The following MARCHF8 variants were observed in gnomAD, a reference collection of about 807,000 sequenced individuals.
MARCHF8 encodes E3 ubiquitin-protein ligase MARCHF8.
In MARCHF8, 40 loss-of-function variants were observed where a neutral mutation model predicts 51.6. That is an observed-to-expected ratio of 0.77 (90% confidence interval 0.60 to 1.01). The LOEUF (loss-of-function observed/expected upper bound fraction) is 1.01. Ranked by LOEUF, MARCHF8 falls within the 50% of genes least tolerant of loss-of-function variation. The pLI is 0.00. For synonymous variants in MARCHF8, 263 were observed against 280.3 expected, an observed-to-expected ratio of 0.94 and a Z score of 0.62; for missense variants, 685 against 708.6, an observed-to-expected ratio of 0.97 and a Z score of 0.38.
Position 45,461,274 on chromosome 10 carries a change from T to G in MARCHF8, c.1226A>C (p.Lys409Thr), listed in dbSNP as rs1250453372. 6.3e-7 allele frequency: 1 copy of G among 1,592,086 alleles called. No individual in the cohort carries two copies. Among genetic ancestry groups the G allele is most frequent in the Non-Finnish European group, 8.5e-7 (1 of 1,170,054 alleles). Residue 409 changes from lysine (K) to threonine (T), a missense_variant, in exon 6 of 8, where the codon AAG (lysine) becomes ACG (threonine). Coordinates refer to ENST00000453424, the MANE Select transcript of MARCHF8 (RefSeq NM_001282866.2). ...SSDTRCCELC[K>T]YEFIMETKLK... is the part of the protein sequence containing the mutation. ...CTTGGTCTCCATGATGAACTCATAC[T>G]TGCAGAGCTCGCAGCAGCGCGTGTC...
chr10:45,511,022 T>C (rs2043490036), intron 2 of MARCHF8, among the ~76,000 whole-genome samples: 1 of 152,228 alleles, frequency 6.6e-6, no homozygotes, highest in African/African-American at 2.4e-5. Context: ...CAAGCCTTTC[T>C]AATATAGACT....
chr10:45,512,967 G>T (rs1381894950), intron 2 of MARCHF8, among the ~76,000 whole-genome samples: 2 of 151,564 alleles, frequency 1.3e-5, no homozygotes, highest in African/African-American at 2.4e-5. Context: ...TGTCCACTCA[G>T]GGTTAAATGG....
At chr10:45,499,486 G>A (rs1362210838) in intron 2 of MARCHF8, among the ~76,000 whole-genome samples, 1 of 151,986 alleles carries the variant, frequency 6.6e-6, no homozygotes, top group Non-Finnish European at 1.5e-5. Flanking sequence ...TGCTTTTGGT[G>A]TCATATCCAA....
At chr10:45,477,350 A>T (rs2042805281) in intron 3 of MARCHF8, among the ~76,000 whole-genome samples, 1 of 152,232 alleles carries the variant, frequency 6.6e-6, no homozygotes, top group South Asian at 2.1e-4. Context: ...AATCCTACAC[A>T]TGGAAGCACA....
At chr10:45,478,733 T>C (rs541179675) in intron 3 of MARCHF8, among the ~76,000 whole-genome samples, 2 of 152,240 alleles carry the variant, frequency 1.3e-5, no homozygotes, top group South Asian at 4.1e-4. Flanking sequence ...CATCAGAGAC[T>C]ATTACGAACT....
intron 2 of MARCHF8, among the ~76,000 whole-genome samples, chr10:45,514,042 A>AT (rs372202419): frequency 9.8e-4 from 150 of 152,318 alleles, no homozygotes; most frequent in African/African-American, 2.9e-3. Context: ...AATAAAAAAG[A>AT]TTTTTTTACA....
chr10:45,568,717 A>C (rs1280704247), intron 1 of MARCHF8, among the ~76,000 whole-genome samples: 3 of 29,172 alleles, frequency 1.0e-4, no homozygotes, highest in Non-Finnish European at 2.5e-4. Flanking sequence ...GACTGTTTCA[A>C]AAAAAAAAAA....
intron 2 of MARCHF8, among the ~76,000 whole-genome samples, chr10:45,518,321 G>A (rs2043652541): frequency 6.6e-6 from 1 of 152,208 alleles, no homozygotes; most frequent in Non-Finnish European, 1.5e-5. Context: ...GTACAGAAAA[G>A]AGAGCTCCGA....
At chr10:45,508,560 T>C (rs2043432399) in intron 2 of MARCHF8, among the ~76,000 whole-genome samples, 1 of 152,210 alleles carries the variant, frequency 6.6e-6, no homozygotes, top group Admixed American at 6.5e-5. Flanking sequence ...GAATGCAGCA[T>C]CTTCTGGGCC....
At chr10:45,500,120 G>A (rs914543796) in intron 2 of MARCHF8, among the ~76,000 whole-genome samples, 1 of 152,062 alleles carries the variant, frequency 6.6e-6, no homozygotes, top group African/African-American at 2.4e-5. Flanking sequence ...TCAATATATA[G>A]TAGTTTTCTG....
chr10:45,579,414 T>C (rs2044527753), intron 1 of MARCHF8, among the ~76,000 whole-genome samples: 2 of 140,888 alleles, frequency 1.4e-5, no homozygotes, highest in South Asian at 2.1e-4. Flanking sequence ...ACCTTTCATA[T>C]ATAAACAAGC....
At chr10:45,522,352 C>A (rs1369430657) in intron 2 of MARCHF8, among the ~76,000 whole-genome samples, 1 of 152,126 alleles carries the variant, frequency 6.6e-6, no homozygotes. Context: ...GTAACCATTT[C>A]ATCTCCACCA....
chr10:45,533,909 T>A (rs1031524062), intron 1 of MARCHF8, among the ~76,000 whole-genome samples: 1 of 152,164 alleles, frequency 6.6e-6, no homozygotes, highest in South Asian at 2.1e-4. Context: ...ATGGGCCGGG[T>A]GCGGTGGCTC....
In MARCHF8 at chr10:45,457,268, T is replaced by C. The variant is rs975985915; in HGVS notation, c.*971A>G. 2.6e-5 allele frequency: 4 copies of C among 152,208 alleles called. No individual in the cohort carries two copies. The highest frequency in any genetic ancestry group is 9.7e-5 in the African/African-American group (4 of 41,448). 9.4% of individuals were successfully genotyped at this position (152,208 alleles called of 1,614,324 possible). A position where few individuals can be genotyped will look rare whatever the true frequency, so the allele number is the denominator to read the frequency against. ...GTTGTCATTACTCACTTCCTTTCCT[T>C]CCATTTCGATCTCAGAAACTGTTCT... On this transcript the variant is annotated 3_prime_UTR_variant, in exon 8 of 8. Coordinates refer to ENST00000453424, the MANE Select transcript of MARCHF8 (RefSeq NM_001282866.2).
rs573798318 is a variant in MARCHF8, at chr10:45,459,204, C to T, written c.1333G>A (p.Val445Ile). 4.3e-6 allele frequency: 7 copies of T among 1,614,094 alleles called. No homozygotes were observed. Among genetic ancestry groups the T allele is most frequent in the South Asian group, 1.1e-5 (1 of 91,078 alleles). ...CAGACCACACATGTGATGGCAATGA[C>T]GTGGAATGTCACTGAGCACATGATC... ...RKIMCSVTFH[V>I]IAITCVVWSL... Residue 445 changes from valine to isoleucine, a missense_variant, in exon 7 of 8, where the codon GTC becomes ATC. Val to Ile is a conservative substitution (Grantham distance 29). Transcript: ENST00000453424.
intron 2 of MARCHF8, among the ~76,000 whole-genome samples, chr10:45,529,319 TTAAAGACCTGAAAGTA>T (rs1324116807): frequency 2.6e-5 from 4 of 152,116 alleles, no homozygotes; most frequent in African/African-American, 4.8e-5. Context: ...TTAAGATGGA[TTAAAGACCTGAAAGTA>T]TAAAGACCTG....
At chr10:45,554,390 T>G (rs1327093437) in intron 1 of MARCHF8, among the ~76,000 whole-genome samples, 1 of 152,212 alleles carries the variant, frequency 6.6e-6, no homozygotes, top group Non-Finnish European at 1.5e-5. Context: ...CCCCATTCAC[T>G]GAAAAGGCCT....
chr10:45,546,746 C>T (rs955138999), intron 1 of MARCHF8, among the ~76,000 whole-genome samples: 3 of 150,228 alleles, frequency 2.0e-5, no homozygotes, highest in African/African-American at 7.4e-5. Context: ...TGTACCACTA[C>T]ACTCCAGCCT....
intron 1 of MARCHF8, among the ~76,000 whole-genome samples, chr10:45,544,488 GAATA>G (rs2044096337): frequency 6.6e-6 from 1 of 151,938 alleles, no homozygotes; most frequent in Non-Finnish European, 1.5e-5. Flanking sequence ...ACCAACTAAA[GAATA>G]GATAAAAATG....
Sources: gnomAD v4.1 joint callset for allele counts (sites outside exome capture counted in the v4.1 genomes callset) on GRCh38, gnomAD v4.1.1 for gene constraint, MANE v1.5 for transcripts, NCBI Gene and HGNC (gene_info 2026-07-23, HGNC 2026-07-21) for gene names.